The following OLA1 variants were observed in gnomAD, a reference collection of about 807,000 sequenced individuals.
OLA1 encodes the protein obg-like ATPase 1.
In OLA1, 14 loss-of-function variants were observed where a neutral mutation model predicts 48.4. That is an observed-to-expected ratio of 0.29 (90% CI 0.19 to 0.45). OLA1 has a LOEUF of 0.45. OLA1 is among the 20% of genes least tolerant of loss of function. The pLI is 1.00. For missense variants in OLA1, 325 were observed against 467.1 expected (o/e 0.70, Z 2.80); for synonymous variants, 127 against 150.4 (o/e 0.84, Z 1.14).
rs1456757094 is a variant in OLA1, at chr2:174,193,603, T to C, written c.373+29430A>G. On this transcript the variant is annotated intron_variant, in intron 4 of 10. Coordinates refer to ENST00000284719, the MANE Select transcript of OLA1 (RefSeq NM_013341.5). The stretch of plus-strand genomic sequence containing the variant: ...GGTTAGAGTTTATCTAGTTAGGCAC[T>C]GGGCTGGGTTTGAAGTTAGCACTAT... Among the ~76,000 whole-genome samples the C allele has an allele frequency of 2.0e-5, 3 of 152,180 alleles. No homozygotes were observed. The East Asian group carries it at 5.8e-4, about 29-fold the overall frequency.
intron 4 of OLA1, among the ~76,000 whole-genome samples, chr2:174,143,278 TGAG>T (rs1468691086): frequency 3.9e-5 from 6 of 152,112 alleles, no homozygotes; most frequent in South Asian, 4.1e-4. Context: ...TTAGCAGAAA[TGAG>T]GAGCTATATT....
At chr2:174,224,836 C>G (rs1027568907) in intron 3 of OLA1, among the ~76,000 whole-genome samples, 1 of 152,132 alleles carries the variant, frequency 6.6e-6, no homozygotes, top group African/African-American at 2.4e-5. Flanking sequence ...AGAAGCCAGG[C>G]CTTTGATGAT....
intron 5 of OLA1, among the ~76,000 whole-genome samples, chr2:174,133,429 C>T (rs1168856498): frequency 2.6e-5 from 4 of 152,172 alleles, no homozygotes; most frequent in African/African-American, 4.8e-5. Context: ...GGCGCAACCT[C>T]GACTCACTGC....
chr2:174,228,463 T>C (rs1249721670), intron 3 of OLA1, among the ~76,000 whole-genome samples: 1 of 152,238 alleles, frequency 6.6e-6, no homozygotes, highest in Admixed American at 6.5e-5. Flanking sequence ...CCCCAAAGTA[T>C]TTACAACTGT....
intron 4 of OLA1, among the ~76,000 whole-genome samples, chr2:174,209,230 CT>C (rs1197895782): frequency 6.6e-6 from 1 of 152,188 alleles, no homozygotes; most frequent in Non-Finnish European, 1.5e-5. Flanking sequence ...AAGCTATACA[CT>C]TGCCAGCATA....
At chr2:174,131,239 GCTT>G (rs1686172917) in intron 5 of OLA1, among the ~76,000 whole-genome samples, 1 of 151,924 alleles carries the variant, frequency 6.6e-6, no homozygotes, top group Admixed American at 6.6e-5. Flanking sequence ...TTTGCGTCTG[GCTT>G]CTTCTGCTCA....
At chr2:174,080,681 G>C (rs1048408545) in intron 9 of OLA1, among the ~76,000 whole-genome samples, 1 of 151,988 alleles carries the variant, frequency 6.6e-6, no homozygotes, top group Admixed American at 6.6e-5. Flanking sequence ...TTAGCTTTTT[G>C]AGCCCAACTG....
At chr2:174,173,628 T>C (rs1339299846) in intron 4 of OLA1, among the ~76,000 whole-genome samples, 1 of 151,274 alleles carries the variant, frequency 6.6e-6, no homozygotes, top group Admixed American at 6.6e-5. Context: ...AATACCCAAA[T>C]AGGTAGAAAG....
intron 4 of OLA1, among the ~76,000 whole-genome samples, chr2:174,192,209 A>G (rs953150960): frequency 1.3e-5 from 2 of 152,194 alleles, no homozygotes; most frequent in African/African-American, 4.8e-5. Flanking sequence ...GTGATATTAT[A>G]AGTATCCCTT....
intron 4 of OLA1, among the ~76,000 whole-genome samples, chr2:174,207,814 T>C (rs1242849670): frequency 1.3e-5 from 2 of 152,144 alleles, no homozygotes; most frequent in Non-Finnish European, 2.9e-5. Context: ...AAGTCTAACA[T>C]TGCAAATATC....
At chr2:174,153,843 T>C (rs1439493693) in intron 4 of OLA1, among the ~76,000 whole-genome samples, 1 of 152,224 alleles carries the variant, frequency 6.6e-6, no homozygotes, top group African/African-American at 2.4e-5. Context: ...ACTTTAAATG[T>C]GTAAAAGGCA....
At chr2:174,222,095 T>C (rs1688519236) in intron 4 of OLA1, among the ~76,000 whole-genome samples, 1 of 152,176 alleles carries the variant, frequency 6.6e-6, no homozygotes, top group African/African-American at 2.4e-5. Context: ...TTTTGGGCAT[T>C]ATGTTGGCAA....
chr2:174,223,819 T>C (rs1012217646), intron 3 of OLA1, among the ~76,000 whole-genome samples: 9 of 141,660 alleles, frequency 6.4e-5, no homozygotes, highest in African/African-American at 2.3e-4. Flanking sequence ...GTTATCAGCA[T>C]AGTAATAACC....
intron 10 of OLA1, among the ~76,000 whole-genome samples, chr2:174,078,182 T>A (rs912742700): frequency 1.3e-5 from 2 of 152,020 alleles, no homozygotes; most frequent in Non-Finnish European, 2.9e-5. Flanking sequence ...TCCTTTCAAC[T>A]TATGAAATAG....
chr2:174,225,175 C>G (rs1335109349), intron 3 of OLA1, among the ~76,000 whole-genome samples: 3 of 152,078 alleles, frequency 2.0e-5, no homozygotes, highest in Non-Finnish European at 4.4e-5. Context: ...TTAAAATGGT[C>G]TGGTGCCTGT....
chr2:174,225,773 A>G (rs960694427), intron 3 of OLA1, among the ~76,000 whole-genome samples: 3 of 152,196 alleles, frequency 2.0e-5, no homozygotes, highest in African/African-American at 7.2e-5. Flanking sequence ...TTTGAGTTCT[A>G]TTTCTGGTTG....
chr2:174,229,144 G>T (rs1277709499), intron 3 of OLA1, among the ~76,000 whole-genome samples, 164 bp downstream of exon 3: 1 of 152,220 alleles, frequency 6.6e-6, no homozygotes, highest in African/African-American at 2.4e-5. Context: ...AAAGTGCTGA[G>T]ATTACAGGTG....
intron 4 of OLA1, among the ~76,000 whole-genome samples, chr2:174,186,922 A>C (rs1312364118): frequency 6.6e-6 from 1 of 152,214 alleles, no homozygotes; most frequent in Non-Finnish European, 1.5e-5. Context: ...ACTCCATACC[A>C]AAAGTGATGA....
At chr2:174,107,936 CT>C in intron 7 of OLA1, among the ~76,000 whole-genome samples, 1 of 152,130 alleles carries the variant, frequency 6.6e-6, no homozygotes, top group Non-Finnish European at 1.5e-5. Flanking sequence ...GATAGAGGGG[CT>C]TAAAATATGC....
Sources: gnomAD v4.1 joint callset for allele counts (sites outside exome capture counted in the v4.1 genomes callset) on GRCh38, gnomAD v4.1.1 for gene constraint, MANE v1.5 for transcripts, NCBI Gene and HGNC (gene_info 2026-07-23, HGNC 2026-07-21) for gene names.